ZBTB20: variants seen among roughly 807,000 people sequenced by gnomAD.
The protein encoded by ZBTB20 is zinc finger and BTB domain-containing protein 20.
A neutral mutation model predicts 56.9 loss-of-function variants in ZBTB20; 9 were observed. The ratio of observed to expected loss-of-function variants is 0.16; its 90% CI spans 0.10 to 0.28. The LOEUF (loss-of-function observed/expected upper bound fraction) is 0.28. Among genes scored for constraint, ZBTB20 ranks in the 10% least tolerant of loss-of-function variants. ZBTB20 has a pLI of 1.00. For missense variants in ZBTB20, 655 were observed against 1,003.0 expected, an observed-to-expected ratio of 0.65 and a Z score of 4.69; for synonymous variants, 417 against 420.7, an observed-to-expected ratio of 0.99 and a Z score of 0.11.
intron 5 of ZBTB20, among the ~76,000 whole-genome samples, chr3:114,702,873 A>C (rs2063479999): frequency 6.6e-6 from 1 of 152,202 alleles, no homozygotes; most frequent in South Asian, 2.1e-4. Context: ...AGTCTGAAAC[A>C]CTGTAGAGTA....
intron 3 of ZBTB20, among the ~76,000 whole-genome samples, chr3:114,907,254 A>G (rs562271794): frequency 6.6e-6 from 1 of 151,984 alleles, no homozygotes; most frequent in Non-Finnish European, 1.5e-5. Context: ...CTCATCAGAC[A>G]GTGGCTACCA....
intron 2 of ZBTB20, among the ~76,000 whole-genome samples, chr3:115,054,453 T>G (rs2081676971): frequency 6.6e-6 from 1 of 152,124 alleles, no homozygotes; most frequent in African/African-American, 2.4e-5. Flanking sequence ...ATTGTATGAA[T>G]TATCTCACAT....
intron 3 of ZBTB20, among the ~76,000 whole-genome samples, chr3:114,933,301 T>C (rs887667919): frequency 1.3e-5 from 2 of 152,230 alleles, no homozygotes; most frequent in Admixed American, 1.3e-4. Flanking sequence ...GGTACAATTA[T>C]TAAACAAGTT....
rs540679301 is a variant in ZBTB20, at chr3:114,323,919, A to G, written c.*15086T>C. The G allele has an allele frequency of 6.6e-6, 1 of 152,170 alleles. No homozygotes were observed. The highest frequency in any genetic ancestry group is 2.4e-5 in the African/African-American group (1 of 41,438). The allele number at this position is 152,170 out of a possible 1,614,324, so 9.4% of individuals were successfully genotyped here. On this transcript the variant is annotated 3_prime_UTR_variant, in exon 12 of 12. Transcript: ENST00000675478. ...ACTCTCTCCCAGCACAAGTAAGTAC[A>G]TTTCAGTAGTGCAATGCAGTGCAGT...
At chr3:114,558,838 C>T (rs1042874697) in intron 6 of ZBTB20, among the ~76,000 whole-genome samples, 2 of 152,156 alleles carry the variant, frequency 1.3e-5, no homozygotes, top group African/African-American at 2.4e-5. Context: ...TCCTTATTCA[C>T]TGACCTGTCA....
At chr3:114,487,793 C>G (rs773992992) in intron 7 of ZBTB20, among the ~76,000 whole-genome samples, 3 of 152,174 alleles carry the variant, frequency 2.0e-5, no homozygotes, top group African/African-American at 4.8e-5. Context: ...GAAGAATATT[C>G]CATTTCATTA....
chr3:114,961,093 G>C (rs1449893305), intron 3 of ZBTB20, among the ~76,000 whole-genome samples: 1 of 151,360 alleles, frequency 6.6e-6, no homozygotes, highest in Non-Finnish European at 1.5e-5. Context: ...TTGAAGAAAT[G>C]TGAGTGTCCT....
intron 7 of ZBTB20, among the ~76,000 whole-genome samples, chr3:114,461,100 A>G (rs1274635209): frequency 6.6e-6 from 1 of 152,148 alleles, no homozygotes; most frequent in Non-Finnish European, 1.5e-5. Flanking sequence ...AAGTTAATCT[A>G]CAACAGTAGT....
chr3:114,440,891 A>T (rs2090874956), intron 7 of ZBTB20, among the ~76,000 whole-genome samples: 1 of 152,110 alleles, frequency 6.6e-6, no homozygotes, highest in Non-Finnish European at 1.5e-5. Flanking sequence ...TTAACTTGGA[A>T]CTATTCTCTA....
intron 7 of ZBTB20, among the ~76,000 whole-genome samples, chr3:114,499,377 G>A (rs768372632): frequency 8.5e-5 from 13 of 152,134 alleles, no homozygotes; most frequent in Non-Finnish European, 1.9e-4. Context: ...TGGAAGGCAC[G>A]CATAAACAAA....
At chr3:114,633,409 A>T (rs928849923) in intron 6 of ZBTB20, among the ~76,000 whole-genome samples, 1 of 152,178 alleles carries the variant, frequency 6.6e-6, no homozygotes, top group South Asian at 2.1e-4. Context: ...CTTTCACTAC[A>T]ATTTTTTTTT....
At chr3:115,124,090 T>C (rs898423707) in intron 1 of ZBTB20, among the ~76,000 whole-genome samples, 4 of 152,220 alleles carry the variant, frequency 2.6e-5, no homozygotes, top group Non-Finnish European at 4.4e-5. Flanking sequence ...GTCTGGCATG[T>C]AGCGATATTA....
intron 1 of ZBTB20, among the ~76,000 whole-genome samples, chr3:115,126,676 C>A (rs2084342596): frequency 6.6e-6 from 1 of 151,872 alleles, no homozygotes; most frequent in Non-Finnish European, 1.5e-5. Flanking sequence ...TATTTGTGAC[C>A]ATCTGCAGGA....
intron 6 of ZBTB20, among the ~76,000 whole-genome samples, chr3:114,567,136 C>T (rs2052864808): frequency 6.6e-6 from 1 of 152,018 alleles, no homozygotes; most frequent in Non-Finnish European, 1.5e-5. Context: ...GTGTGTTTGC[C>T]TGGAGTTATA....
At chr3:115,076,169 G>A (rs2082586901) in intron 1 of ZBTB20, among the ~76,000 whole-genome samples, 1 of 152,120 alleles carries the variant, frequency 6.6e-6, no homozygotes, top group South Asian at 2.1e-4. Flanking sequence ...TTGTTAAAAT[G>A]TCCATACCCA....
intron 1 of ZBTB20, among the ~76,000 whole-genome samples, chr3:115,141,116 T>C (rs548370702): frequency 1.3e-5 from 2 of 152,254 alleles, no homozygotes; most frequent in Admixed American, 6.5e-5. Flanking sequence ...AAACAGACTG[T>C]TGGCCCAAAG....
chr3:114,853,766 A>G (rs1035636883), intron 4 of ZBTB20, among the ~76,000 whole-genome samples: 1 of 152,246 alleles, frequency 6.6e-6, no homozygotes, highest in African/African-American at 2.4e-5. Flanking sequence ...ATGACAAATA[A>G]CATGGTATAT....
intron 5 of ZBTB20, among the ~76,000 whole-genome samples, chr3:114,753,395 G>GTATATATATACACACACGTATATA (rs1553809139): frequency 2.5e-5 from 1 of 39,416 alleles, no homozygotes; most frequent in African/African-American, 1.1e-4. Flanking sequence ...ATACATGTAT[G>GTATATATATACACACACGTATATA]TATATATATA....
At position 114,334,524 on chromosome 3, in the gene ZBTB20, T is replaced by C. The variant is rs2079382947; in HGVS notation, c.*4481A>G. 1 of 152,206 alleles carries C rather than the reference T, an allele frequency of 6.6e-6. No homozygotes were observed. The highest frequency in any genetic ancestry group is 2.4e-5 in the African/African-American group (1 of 41,462). The allele number at this position is 152,206 out of a possible 1,614,324, so 9.4% of individuals were successfully genotyped here. A position where few individuals can be genotyped will look rare whatever the true frequency, so the allele number is the denominator to read the frequency against. On this transcript the variant is annotated 3_prime_UTR_variant, in exon 12 of 12. Coordinates refer to ENST00000675478, the MANE Select transcript of ZBTB20 (RefSeq NM_001348800.3). The stretch of plus-strand genomic sequence containing the variant: ...GGACTGAATGTGAAACAAACATACC[T>C]GGAGGAAAACTTTTTTCATTATCAG...
Sources: allele counts gnomAD v4.1 joint callset (sites outside exome capture counted in the v4.1 genomes callset), GRCh38; gene constraint gnomAD v4.1.1; transcripts MANE v1.5; gene names NCBI Gene and HGNC (gene_info 2026-07-23, HGNC 2026-07-21).